ATRN: variants seen among roughly 807,000 people sequenced by gnomAD.
The protein encoded by ATRN is attractin-2.
In ATRN, 54 loss-of-function variants were observed where a neutral mutation model predicts 178.7. That is an observed-to-expected ratio of 0.30 (90% CI 0.24 to 0.38). The LOEUF is 0.38. Among genes scored for constraint, ATRN ranks in the 10% least tolerant of loss-of-function variants. The pLI, the probability that ATRN is intolerant of heterozygous loss-of-function variation, is 1.00. For synonymous variants in ATRN, 636 were observed against 663.0 expected, an observed-to-expected ratio of 0.96 and a Z score of 0.63; for missense variants, 1,443 against 1,815.1, an observed-to-expected ratio of 0.79 and a Z score of 3.73.
intron 24 of ATRN, among the ~76,000 whole-genome samples, chr20:3,617,769 T>C (rs1483811629): frequency 6.6e-6 from 1 of 152,206 alleles, no homozygotes; most frequent in Non-Finnish European, 1.5e-5. Context: ...AGCATGCCTC[T>C]GCTGGGCGGG....
rs373715092 is a variant in ATRN, at chr20:3,605,942, C to T, written c.3801+1680C>T. 1.2e-4 allele frequency among the ~76,000 whole-genome samples: 18 copies of T among 152,276 alleles called. No individual in the cohort carries two copies. The South Asian group carries it at 1.9e-3, about 16-fold the overall frequency. On this transcript the variant is annotated intron_variant, in intron 24 of 28. Transcript: ENST00000262919. ...ACAAAAAAAGCAAGTTATCACTCATCAATTAGGATGCCTTGGGACTGTGAC... is the reference window on the plus strand; with the variant it reads ...ACAAAAAAAGCAAGTTATCACTCATTAATTAGGATGCCTTGGGACTGTGAC...
chr20:3,530,005 T>C (rs1439688760), intron 1 of ATRN, among the ~76,000 whole-genome samples: 1 of 151,766 alleles, frequency 6.6e-6, no homozygotes, highest in East Asian at 1.9e-4. Context: ...TGAATAAAGA[T>C]GTAAGATACA....
chr20:3,618,465 A>G (rs170974), intron 24 of ATRN, among the ~76,000 whole-genome samples: 77,585 of 152,060 alleles, frequency 0.51, 20,456 homozygotes, highest in Middle Eastern at 0.64. Context: ...GCCTTTCAGT[A>G]CCTTTTGATA....
chr20:3,549,368 G>T, intron 6 of ATRN, 30 bp downstream of exon 6: 1 of 1,481,220 alleles, frequency 6.8e-7, no homozygotes, highest in Non-Finnish European at 9.0e-7. Context: ...TTTGCAAGAA[G>T]CTTAGTTTTT....
intron 1 of ATRN, among the ~76,000 whole-genome samples, chr20:3,519,818 A>G (rs763388588): frequency 7.9e-5 from 12 of 152,246 alleles, no homozygotes; most frequent in Non-Finnish European, 1.6e-4. Context: ...TCACATTTCA[A>G]ATTTGAACAC....
intron 10 of ATRN, among the ~76,000 whole-genome samples, chr20:3,564,810 AATCCCAGCAC>A (rs2146227853): frequency 6.6e-6 from 1 of 152,300 alleles, no homozygotes; most frequent in South Asian, 2.1e-4. Flanking sequence ...TCATGCCTGT[AATCCCAGCAC>A]TTTGGGAGGC....
At chr20:3,509,381 C>T (rs548801448) in intron 1 of ATRN, among the ~76,000 whole-genome samples, 38 of 151,978 alleles carry the variant, frequency 2.5e-4, no homozygotes, top group Admixed American at 5.2e-4. Context: ...AAAATAGTAA[C>T]GTTTCATAAT....
In ATRN at chr20:3,508,800, CACCA is replaced by C. The variant is rs569532436; in HGVS notation, c.411-26450_411-26447del. On this transcript the variant is annotated intron_variant, in intron 1 of 28. Coordinates refer to ENST00000262919, the MANE Select transcript of ATRN (RefSeq NM_139321.3). ...ATTTAGAATATAGAATTGAAATATACACCAACAAAGCACAAGCAGCTGGTATAGG... is the reference window on the plus strand; with the variant it reads ...ATTTAGAATATAGAATTGAAATATACACAAAGCACAAGCAGCTGGTATAGG... 3.2e-3 allele frequency among the ~76,000 whole-genome samples: 486 copies of C among 152,218 alleles called. 5 individuals carry two copies. The highest frequency in any genetic ancestry group is 0.011 in the African/African-American group (464 of 41,526).
intron 11 of ATRN, among the ~76,000 whole-genome samples, chr20:3,566,685 C>T (rs2086040651): frequency 1.3e-5 from 2 of 152,092 alleles, no homozygotes; most frequent in South Asian, 4.2e-4. Flanking sequence ...GGGCCGATCA[C>T]TTGAGCCCAG....
intron 22 of ATRN, among the ~76,000 whole-genome samples, chr20:3,600,098 ATTGT>A (rs2086588514): frequency 6.6e-6 from 1 of 152,216 alleles, no homozygotes; most frequent in South Asian, 2.1e-4. Flanking sequence ...TGCAAAAATA[ATTGT>A]TTGACCCCAG....
intron 11 of ATRN, among the ~76,000 whole-genome samples, chr20:3,572,398 A>T (rs2086138506): frequency 6.6e-6 from 1 of 152,212 alleles, no homozygotes; most frequent in Non-Finnish European, 1.5e-5. Context: ...TGGGTGTGTT[A>T]TAGGCCAGGA....
At chr20:3,576,679 A>G (rs4989370) in intron 13 of ATRN, among the ~76,000 whole-genome samples, 180 bp from the exon 14 acceptor site, 3,417 of 142,334 alleles carry the variant, frequency 0.024, 74 homozygotes, top group South Asian at 0.083. Context: ...TTATCTATCT[A>G]TCTGTCTGTC....
intron 1 of ATRN, among the ~76,000 whole-genome samples, chr20:3,503,222 G>A (rs1055560219): frequency 6.6e-6 from 1 of 152,150 alleles, no homozygotes; most frequent in South Asian, 2.1e-4. Context: ...CAAGATACTC[G>A]TGCTAAAACT....
intron 1 of ATRN, among the ~76,000 whole-genome samples, chr20:3,493,688 C>T (rs574952021): frequency 3.7e-4 from 56 of 152,232 alleles, no homozygotes; most frequent in African/African-American, 1.2e-3. Context: ...GGCATCCACA[C>T]GGCACCTATT....
intron 1 of ATRN, among the ~76,000 whole-genome samples, chr20:3,492,828 TAGAA>T (rs1489307934): frequency 1.3e-3 from 176 of 137,582 alleles, no homozygotes; most frequent in African/African-American, 4.5e-3. Flanking sequence ...GAGAGAGAAA[TAGAA>T]AGGGAGAGAG....
intron 24 of ATRN, among the ~76,000 whole-genome samples, chr20:3,604,985 TCTTAC>T (rs2086659234): frequency 6.6e-6 from 1 of 152,182 alleles, no homozygotes; most frequent in African/African-American, 2.4e-5. Context: ...ACCTTCTGCT[TCTTAC>T]CTTCTTCATT....
chr20:3,634,363 A>T lies in ATRN; in HGVS notation c.3916A>T (p.Ser1306Cys), dbSNP rs2087010526. Residue 1306 changes from serine (S) to cysteine (C), a missense_variant, in exon 26 of 29, where the codon AGT becomes TGT. By Grantham distance (112) the Ser-to-Cys change is moderately radical (BLOSUM62 -1). Coordinates refer to ENST00000262919, the MANE Select transcript of ATRN (RefSeq NM_139321.3). ...TGCTGTGGTTTGGAAGATCAAACAA[A>T]GTTGTTGGGCCTCCAGACGTAGAGA... ...VAAVVWKIKQ[S>C]CWASRRREQL... 1 of 1,612,746 alleles carries T rather than the reference A, an allele frequency of 6.2e-7. No individual in the cohort carries two copies. The highest frequency in any genetic ancestry group is 1.1e-5 in the South Asian group (1 of 90,958).
At chr20:3,588,720 C>T (rs1331926786) in intron 18 of ATRN, among the ~76,000 whole-genome samples, 1 of 152,106 alleles carries the variant, frequency 6.6e-6, no homozygotes, top group Non-Finnish European at 1.5e-5. Flanking sequence ...ACGTATTCCT[C>T]CTCCTCTATT....
At chr20:3,482,792 A>G (rs1443438459) in intron 1 of ATRN, among the ~76,000 whole-genome samples, 1 of 152,224 alleles carries the variant, frequency 6.6e-6, no homozygotes, top group Non-Finnish European at 1.5e-5. Flanking sequence ...ACACTGACCA[A>G]TACTGACAAA....
Sources: gnomAD v4.1 joint callset for allele counts (sites outside exome capture counted in the v4.1 genomes callset) on GRCh38, gnomAD v4.1.1 for gene constraint, MANE v1.5 for transcripts, NCBI Gene and HGNC (gene_info 2026-07-23, HGNC 2026-07-21) for gene names.